NFATC2: variants seen among roughly 807,000 people sequenced by gnomAD.
NFATC2 encodes nuclear factor of activated T cells 2, also known as nuclear factor of activated T-cells, cytoplasmic 2.
In NFATC2, 22 loss-of-function variants were observed where a neutral mutation model predicts 87.3. The ratio of observed to expected loss-of-function variants is 0.25; its 90% CI spans 0.18 to 0.36. The LOEUF (loss-of-function observed/expected upper bound fraction) is 0.36. NFATC2 is among the 10% of genes least tolerant of loss of function. The probability of loss-of-function intolerance (pLI) is 1.00; values close to 1 mark genes in which losing one functional copy is unlikely to be tolerated. For synonymous variants in NFATC2, 565 were observed against 542.2 expected (o/e 1.04, Z -0.58); for missense variants, 1,149 against 1,259.1 (o/e 0.91, Z 1.32).
chr20:51,462,966 C>G (rs145228151), intron 5 of NFATC2, among the ~76,000 whole-genome samples: 61 of 152,342 alleles, frequency 4.0e-4, no homozygotes, highest in African/African-American at 1.4e-3. Flanking sequence ...CCGGCCAGCC[C>G]AGGCAAGAAG....
chr20:51,527,687 A>G (rs920301961), intron 1 of NFATC2, among the ~76,000 whole-genome samples: 15 of 152,236 alleles, frequency 9.9e-5, no homozygotes, highest in African/African-American at 3.4e-4. Flanking sequence ...CTAATATCCA[A>G]ACCAAAAGAT....
chr20:51,449,871 G>A (rs1413637750), intron 6 of NFATC2, among the ~76,000 whole-genome samples: 2 of 139,448 alleles, frequency 1.4e-5, no homozygotes, highest in African/African-American at 5.5e-5. Flanking sequence ...AATAAGGCCT[G>A]GCACATAGTT....
Position 51,424,987 on chromosome 20 carries a change from A to G in NFATC2, c.2722+7080T>C, listed in dbSNP as rs549468079. Among the ~76,000 whole-genome samples the G allele has an allele frequency of 5.3e-5, 8 of 152,260 alleles. No homozygotes were observed. In the South Asian group the frequency reaches 1.2e-3, roughly 24 times the overall value. ...ATGCTTTGTGGCCCTGCAAAGGGCT[A>G]TGGTACATGAACAGACACATTGTGT... On this transcript the variant is annotated intron_variant, in intron 9 of 10. Coordinates refer to ENST00000371564, the MANE Select transcript of NFATC2 (RefSeq NM_012340.5).
At chr20:51,539,588 A>G (rs903658144) in intron 1 of NFATC2, among the ~76,000 whole-genome samples, 2 of 152,086 alleles carry the variant, frequency 1.3e-5, no homozygotes, top group African/African-American at 4.8e-5. Flanking sequence ...GGGTTAAGAG[A>G]TTCTCCTACC....
chr20:51,526,437 T>G (rs1469622357), intron 1 of NFATC2, among the ~76,000 whole-genome samples: 1 of 152,180 alleles, frequency 6.6e-6, no homozygotes, highest in Non-Finnish European at 1.5e-5. Context: ...TAGAGAATTT[T>G]ACAACCCCAC....
Position 51,524,074 on chromosome 20 carries a change from G to A in NFATC2, c.167C>T (p.Ser56Phe). The change falls in exon 2 of 11, where the codon TCC becomes TTC. Residue 56 changes from serine (S) to phenylalanine (F), a missense_variant. Ser to Phe is a radical substitution (Grantham distance 155, BLOSUM62 -2). Around this residue, in one of 3 missense-constraint regions of NFATC2, gnomAD observed 563 missense variants for 585.2 expected, o/e 0.96. Transcript: ENST00000371564. This position sits in a 1 kb window ranked among gnomAD's most constrained non-coding sequence, Gnocchi z 4.0. ...PNAHKVASPP[S>F]GPAYPDDVLD... ...GACATCATCGGGGTATGCGGGTCCG[G>A]AGGGTGGGCTGGCGACCTTATGTGC... The A allele has an allele frequency of 5.4e-6, 8 of 1,480,238 alleles. No individual in the cohort carries two copies. Among genetic ancestry groups the A allele is most frequent in the Non-Finnish European group, 7.2e-6 (8 of 1,118,694 alleles). The allele number at this position is 1,480,238 out of a possible 1,614,324, so 91.7% of individuals were successfully genotyped here.
rs549354236 is a variant in NFATC2 at position 51,435,198 on chromosome 20, G to A, written c.2022C>T (p.Thr674=). ...KRKRSQPQHF[T]YHPVPAIKTE... is the part of the protein sequence containing the mutation. ...AGAAACACTCCTTACCTGGGTGGTA[G>A]GTAAAGTGCTGAGGCTGACTTCGTT... Residue 674 remains threonine (T), a synonymous_variant, in exon 8 of 11, where the codon ACC becomes ACT. Coordinates refer to ENST00000371564, the MANE Select transcript of NFATC2 (RefSeq NM_012340.5). The A allele has an allele frequency of 4.3e-6, 7 of 1,614,152 alleles. No individual in the cohort carries two copies. The African/African-American group carries it at 9.3e-5, about 22-fold the overall frequency.
At chr20:51,481,535 G>A (rs1016681461) in intron 3 of NFATC2, among the ~76,000 whole-genome samples, 2 of 152,182 alleles carry the variant, frequency 1.3e-5, no homozygotes, top group African/African-American at 4.8e-5. Flanking sequence ...CCAGGCAGTT[G>A]AAAAGGTTCC....
chr20:51,408,523 A>AT (rs1978707499), intron 9 of NFATC2, among the ~76,000 whole-genome samples: 1 of 150,978 alleles, frequency 6.6e-6, no homozygotes, highest in African/African-American at 2.4e-5. Context: ...AAAAAAAAAA[A>AT]AAAAAAAAGC....
At chr20:51,498,208 C>A (rs941011856) in intron 3 of NFATC2, among the ~76,000 whole-genome samples, 3 of 152,150 alleles carry the variant, frequency 2.0e-5, no homozygotes, top group Non-Finnish European at 4.4e-5. Context: ...CACCAAGGAG[C>A]CGCCTACGCC....
chr20:51,394,738 T>C (rs1304498109), intron 10 of NFATC2, among the ~76,000 whole-genome samples: 1 of 152,090 alleles, frequency 6.6e-6, no homozygotes, highest in Admixed American at 6.6e-5. Flanking sequence ...GCCTCTGAGG[T>C]TTGGGTGCTG....
At chr20:51,464,702 A>T (rs1048453886) in intron 5 of NFATC2, among the ~76,000 whole-genome samples, 1 of 152,198 alleles carries the variant, frequency 6.6e-6, no homozygotes, top group Non-Finnish European at 1.5e-5. Flanking sequence ...AGGTGCCCAC[A>T]GCCCCCTGGA....
At chr20:51,409,310 C>A (rs1415208745) in intron 9 of NFATC2, among the ~76,000 whole-genome samples, 1 of 152,092 alleles carries the variant, frequency 6.6e-6, no homozygotes, top group East Asian at 1.9e-4. Context: ...TGCCTGTAAC[C>A]AGAAAGAGGA....
At chr20:51,407,439 C>T (rs946532603) in intron 9 of NFATC2, among the ~76,000 whole-genome samples, 4 of 152,194 alleles carry the variant, frequency 2.6e-5, no homozygotes, top group Admixed American at 1.3e-4. Context: ...AATGATTTAG[C>T]GAAAGAATGG....
In NFATC2 at chr20:51,413,006, C is replaced by T. The variant is rs867972813; in HGVS notation, c.2723-14276G>A. On this transcript the variant is annotated intron_variant, in intron 9 of 10. Coordinates refer to ENST00000371564, the MANE Select transcript of NFATC2 (RefSeq NM_012340.5). ...TCCCCCGCTCCCGCCGCCCCCCCCC[C>T]TCCCCGCCAAACACATGGAGCCGAG... Among the ~76,000 whole-genome samples the T allele has an allele frequency of 6.3e-4, 78 of 124,034 alleles. 1 individual carries two copies. The highest frequency in any genetic ancestry group is 2.0e-3 in the South Asian group (7 of 3,424). 81.4% of individuals were successfully genotyped at this position (124,034 alleles called of 152,430 possible).
chr20:51,521,328 AT>A (rs200855308), intron 2 of NFATC2, among the ~76,000 whole-genome samples: 7 of 149,848 alleles, frequency 4.7e-5, no homozygotes, highest in South Asian at 2.1e-4. Context: ...TTTTATTTTT[AT>A]TTTTTTTTTG....
In NFATC2 at chr20:51,495,490, G is replaced by A. The variant is rs115716320; in HGVS notation, c.1333-19830C>T. Among the ~76,000 whole-genome samples, 1,185 of 152,332 alleles carry A rather than the reference G, an allele frequency of 7.8e-3. 18 individuals are homozygous for A. The highest frequency in any genetic ancestry group is 0.027 in the African/African-American group (1,113 of 41,576). ...AGGGGTGAGGGGGACACATTCCATC[G>A]TAAATGCCCAAGAGAGAACTTGTTG... On this transcript the variant is annotated intron_variant, in intron 3 of 10. Transcript: ENST00000371564.
intron 9 of NFATC2, among the ~76,000 whole-genome samples, chr20:51,399,973 G>T (rs941042540): frequency 6.6e-6 from 1 of 152,102 alleles, no homozygotes; most frequent in African/African-American, 2.4e-5. Context: ...CCAATCTCTG[G>T]ATCCTCACCC....
intron 5 of NFATC2, among the ~76,000 whole-genome samples, chr20:51,462,276 A>T (rs544172809): frequency 5.2e-4 from 55 of 105,618 alleles, no homozygotes; most frequent in African/African-American, 1.7e-3. Flanking sequence ...CTCTGCTAAT[A>T]ATACAAAAAA....
Sources: gnomAD v4.1 joint callset for allele counts (sites outside exome capture counted in the v4.1 genomes callset) on GRCh38, gnomAD v4.1.1 for gene constraint, gnomAD v4.1.1 regional missense constraint, Gnocchi (gnomAD v3.1) non-coding constraint, MANE v1.5 for transcripts, NCBI Gene and HGNC (gene_info 2026-07-23, HGNC 2026-07-21) for gene names.